ARCN1: variants seen among roughly 807,000 people sequenced by gnomAD.
ARCN1 encodes the protein coatomer subunit delta.
ARCN1 carries 5 observed loss-of-function variants against 60.4 expected under a neutral mutation model. The ratio of observed to expected loss-of-function variants is 0.08; its 90% CI spans 0.04 to 0.17. The LOEUF is 0.17. Among genes scored for constraint, ARCN1 ranks in the 10% least tolerant of loss-of-function variants. The pLI is 1.00. For synonymous variants in ARCN1, 224 were observed against 220.0 expected (o/e 1.02, Z -0.16); for missense variants, 464 against 626.5 (o/e 0.74, Z 2.77).
At chr11:118,582,032 G>T (rs1938667302) in intron 2 of ARCN1, among the ~76,000 whole-genome samples, 1 of 152,066 alleles carries the variant, frequency 6.6e-6, no homozygotes, top group Non-Finnish European at 1.5e-5. Context: ...GGTAGCATGT[G>T]CCTGTAGTCC....
At chr11:118,590,286 C>G in intron 5 of ARCN1, 55 bp from the exon 6 acceptor site, 4 of 1,507,064 alleles carry the variant, frequency 2.7e-6, no homozygotes, top group Non-Finnish European at 3.6e-6. Context: ...TGAGCCACCA[C>G]GCCCGGCCAT....
At chr11:118,589,014 A>G (rs1555075866) in intron 5 of ARCN1, among the ~76,000 whole-genome samples, 2 of 147,994 alleles carry the variant, frequency 1.4e-5, no homozygotes, top group Non-Finnish European at 3.0e-5. Flanking sequence ...GTGAAACTCT[A>G]TCTCAAAACA....
At chr11:118,598,094 T>C (rs531590525) in intron 9 of ARCN1, among the ~76,000 whole-genome samples, 183 bp downstream of exon 9, 9 of 152,308 alleles carry the variant, frequency 5.9e-5, no homozygotes, top group African/African-American at 2.2e-4. Flanking sequence ...TTTTATTGCT[T>C]TACCTCAGTT....
At position 118,583,914 on chromosome 11, in the gene ARCN1, G is replaced by A. The variant is rs782373336; in HGVS notation, c.553G>A (p.Gly185Arg). The change falls in exon 4 of 10, where the codon GGA becomes AGA. Residue 185 changes from glycine (G) to arginine (R), a missense_variant. Physicochemically the swap from Gly to Arg is moderately radical, Grantham distance 125. Transcript: ENST00000264028. ...RQGKKAPGFG[G>R]FGSSAVSGGS... ...GGGCAAAAAAGCACCAGGATTTGGC[G>A]GATTTGGCAGCTCTGCAGTATCTGG... 4.3e-6 allele frequency: 7 copies of A among 1,614,144 alleles called. No homozygotes were observed. The highest frequency in any genetic ancestry group is 2.2e-5 in the East Asian group (1 of 44,902).
rs1939146691 is a variant in ARCN1, at chr11:118,601,443, G to A, written c.*729G>A. On this transcript the variant is annotated 3_prime_UTR_variant, in exon 10 of 10. Transcript: ENST00000264028. The stretch of plus-strand genomic sequence containing the variant: ...AGTTTGTTTTTAAAAAGTTTTCTCT[G>A]TAGAAAATTTTAATCATTCATACCC... 4.9e-6 allele frequency: 3 copies of A among 607,024 alleles called. No homozygotes were observed. The highest frequency in any genetic ancestry group is 8.7e-6 in the Non-Finnish European group (3 of 344,022). The allele number at this position is 607,024 out of a possible 1,614,324, so 37.6% of individuals were successfully genotyped here.
intron 1 of ARCN1, among the ~76,000 whole-genome samples, chr11:118,580,675 C>CT (rs1938630281): frequency 6.6e-6 from 1 of 152,072 alleles, no homozygotes; most frequent in South Asian, 2.1e-4. Context: ...ATTGACATGT[C>CT]TAAGTCTCTT....
rs916133379 is a variant in ARCN1 at position 118,579,381 on chromosome 11, C to T, written c.4-1865C>T. ...CCAATTGTATAAACTTTTTAAAATGCAGCCAAAATAGGCCGGGCGGTGGCT... is the reference window on the plus strand; with the variant it reads ...CCAATTGTATAAACTTTTTAAAATGTAGCCAAAATAGGCCGGGCGGTGGCT... On this transcript the variant is annotated intron_variant, in intron 1 of 9. Coordinates refer to ENST00000264028, the MANE Select transcript of ARCN1 (RefSeq NM_001655.5). Among the ~76,000 whole-genome samples the T allele has an allele frequency of 2.0e-5, 3 of 151,906 alleles. No individual in the cohort carries two copies. In the South Asian group the frequency reaches 6.2e-4, roughly 32 times the overall value.
intron 1 of ARCN1, among the ~76,000 whole-genome samples, chr11:118,579,769 A>G (rs529199580): frequency 1.3e-5 from 2 of 152,216 alleles, no homozygotes; most frequent in African/African-American, 4.8e-5. Flanking sequence ...TGTTTTAAAT[A>G]AATAAAGTTT....
At chr11:118,590,692 G>C (rs1938885185) in intron 6 of ARCN1, among the ~76,000 whole-genome samples, 186 bp downstream of exon 6, 1 of 152,232 alleles carries the variant, frequency 6.6e-6, no homozygotes, top group African/African-American at 2.4e-5. Context: ...TAAAGCAGCT[G>C]TGTAAGGATG....
intron 8 of ARCN1, among the ~76,000 whole-genome samples, chr11:118,594,351 C>T (rs913701362): frequency 4.6e-5 from 7 of 151,452 alleles, no homozygotes; most frequent in Admixed American, 1.3e-4. Flanking sequence ...CTGCCCGCCT[C>T]GGCCTCCCAA....
chr11:118,579,164 A>G lies in ARCN1; in HGVS notation c.4-2082A>G, dbSNP rs915587167. On this transcript the variant is annotated intron_variant, in intron 1 of 9. Coordinates refer to ENST00000264028, the MANE Select transcript of ARCN1 (RefSeq NM_001655.5). Reference sequence around the variant, plus strand: ...ACTGAAGGTCAGGCAGATAGTAAATAGAAGAACAAAACTAGAAAATAGATT... The same window carrying G: ...ACTGAAGGTCAGGCAGATAGTAAATGGAAGAACAAAACTAGAAAATAGATT... Among the ~76,000 whole-genome samples, 78 of 152,140 alleles carry G rather than the reference A, an allele frequency of 5.1e-4. 1 individual carries two copies. Among genetic ancestry groups the G allele is most frequent in the Non-Finnish European group, 9.4e-4 (64 of 67,992 alleles).
intron 1 of ARCN1, among the ~76,000 whole-genome samples, chr11:118,579,308 G>A (rs1473033838): frequency 1.3e-5 from 2 of 152,004 alleles, no homozygotes; most frequent in East Asian, 3.9e-4. Context: ...CAAATATAAG[G>A]GAATTCCCTA....
In ARCN1 at chr11:118,592,685, G is replaced by C. The variant is rs190216359; in HGVS notation, c.985-24G>C. ...TTTCTCGTCTATCTGAACCTCAGGA[G>C]TTTTCCTTTCCCTCTCATTCTAGAC... is the stretch of plus-strand genomic sequence containing the variant. On this transcript the variant is annotated intron_variant, in intron 6 of 9. Coordinates refer to ENST00000264028, the MANE Select transcript of ARCN1 (RefSeq NM_001655.5). 1.2e-4 allele frequency: 200 copies of C among 1,604,622 alleles called. 1 individual carries two copies. The East Asian group carries it at 4.3e-3, about 34-fold the overall frequency.
chr11:118,573,115 T>C (rs1555072762), intron 1 of ARCN1: 2 of 159,878 alleles, frequency 1.3e-5, no homozygotes, highest in Non-Finnish European at 2.8e-5. Context: ...CACTAATGTA[T>C]AGGACCCAAG....
At chr11:118,581,535 T>A in intron 2 of ARCN1, 26 bp downstream of exon 2, 1 of 1,570,738 alleles carries the variant, frequency 6.4e-7, no homozygotes. Context: ...TAATACTGGG[T>A]TCCACTTTTT....
chr11:118,581,216 A>G (rs782145607), intron 1 of ARCN1, 30 bp from the exon 2 acceptor site: 25 of 1,608,932 alleles, frequency 1.6e-5, no homozygotes, highest in Non-Finnish European at 2.1e-5. Flanking sequence ...AGAAATAATT[A>G]GTACTTACTT....
At chr11:118,578,856 T>G (rs1465724147) in intron 1 of ARCN1, among the ~76,000 whole-genome samples, 1 of 137,578 alleles carries the variant, frequency 7.3e-6, no homozygotes, top group Non-Finnish European at 1.5e-5. Context: ...CTGGGCAACA[T>G]GGCAAAACCC....
At chr11:118,582,677 G>C (rs1229190342) in intron 2 of ARCN1, among the ~76,000 whole-genome samples, 1 of 148,758 alleles carries the variant, frequency 6.7e-6, no homozygotes, top group Admixed American at 6.7e-5. Context: ...AGTGAGCCGA[G>C]ATCGTGCCAC....
intron 7 of ARCN1, among the ~76,000 whole-genome samples, chr11:118,593,207 C>A (rs1555076598): frequency 6.6e-6 from 1 of 151,584 alleles, no homozygotes; most frequent in Non-Finnish European, 1.5e-5. Context: ...GGGACTAGGA[C>A]TATAGGCACA....
Sources: gnomAD v4.1 joint callset for allele counts (sites outside exome capture counted in the v4.1 genomes callset) on GRCh38, gnomAD v4.1.1 for gene constraint, MANE v1.5 for transcripts, NCBI Gene and HGNC (gene_info 2026-07-23, HGNC 2026-07-21) for gene names.